Variants in MGAM2 observed in about 807,000 individuals in gnomAD.
MGAM2 encodes maltase-glucoamylase 2 (putative), also known as probable maltase-glucoamylase 2.
MGAM2 carries 98 observed loss-of-function variants against 96.1 expected under a neutral mutation model. The ratio of observed to expected loss-of-function variants is 1.02; its 90% CI spans 0.87 to 1.21. The LOEUF (loss-of-function observed/expected upper bound fraction) is 1.21, where lower values mean the gene tolerates loss of function less well. Among genes scored for constraint, MGAM2 ranks in the 50% most tolerant of loss-of-function variants. The pLI, the probability that MGAM2 is intolerant of heterozygous loss-of-function variation, is 0.00. For synonymous variants in MGAM2, 749 were observed against 414.8 expected (o/e 1.81, Z -9.79); for missense variants, 2,055 against 1,182.4 (o/e 1.74, Z -10.82).
rs879793427 is a variant in MGAM2 at position 142,222,198 on chromosome 7, A to G, written c.*139A>G. The G allele has an allele frequency of 1.0e-5, 4 of 395,276 alleles. No individual in the cohort carries two copies. The highest frequency in any genetic ancestry group is 1.8e-5 in the Non-Finnish European group (4 of 224,194). 24.5% of individuals were successfully genotyped at this position (395,276 alleles called of 1,614,324 possible). ...GATATTAGTACTCTAGCCATAAAAG[A>G]CACAGCTACTCCAAACACTCTCGTC... On this transcript the variant is annotated 3_prime_UTR_variant, in exon 48 of 48. Coordinates refer to ENST00000477922, the MANE Select transcript of MGAM2 (RefSeq NM_001293626.2).
chr7:142,152,859 C>T (rs1795620502), intron 15 of MGAM2, among the ~76,000 whole-genome samples: 1 of 152,062 alleles, frequency 6.6e-6, no homozygotes, highest in Non-Finnish European at 1.5e-5. Context: ...AATGCCTATT[C>T]AAAAGGTGTC....
intron 44 of MGAM2, 144 bp downstream of exon 44, chr7:142,198,883 T>G: frequency 1.8e-6 from 1 of 555,978 alleles, no homozygotes; most frequent in East Asian, 2.8e-5. Context: ...CTGTGAGTGC[T>G]TTCTGAGTGG....
Position 142,222,271 on chromosome 7 carries a change from A to G in MGAM2, c.*212A>G, listed in dbSNP as rs115900773. 292 of 379,262 alleles carry G rather than the reference A, an allele frequency of 7.7e-4. 2 individuals are homozygous for G. Among genetic ancestry groups the G allele is most frequent in the African/African-American group, 5.5e-3 (267 of 48,372 alleles). 23.5% of individuals were successfully genotyped at this position (379,262 alleles called of 1,614,324 possible). On this transcript the variant is annotated 3_prime_UTR_variant, in exon 48 of 48. Transcript: ENST00000477922. Reference sequence around the variant, plus strand: ...TTTACAAACCTTATAGGTTTCACCAAAGAAGCTGTGGGTACTTATTTTGCA... The same window carrying G: ...TTTACAAACCTTATAGGTTTCACCAGAGAAGCTGTGGGTACTTATTTTGCA...
At chr7:142,191,683 T>C (rs1796875814) in intron 37 of MGAM2, among the ~76,000 whole-genome samples, 1 of 152,066 alleles carries the variant, frequency 6.6e-6, no homozygotes, top group Non-Finnish European at 1.5e-5. Context: ...TTTTCAAGAT[T>C]GTTTTAGCTA....
intron 32 of MGAM2, among the ~76,000 whole-genome samples, chr7:142,178,183 T>C (rs1197860002): frequency 6.6e-6 from 1 of 152,240 alleles, no homozygotes; most frequent in African/African-American, 2.4e-5. Flanking sequence ...TCTGTTCATG[T>C]CCTCTGCCTA....
chr7:142,186,137 T>G lies in MGAM2; in HGVS notation c.4122+14T>G. Reference sequence around the variant, plus strand: ...GGATTGTGGATTGTAAGTGCACCCTTGGTTGTCTTTTTTTTTTTTTTGGAA... The same window carrying G: ...GGATTGTGGATTGTAAGTGCACCCTGGGTTGTCTTTTTTTTTTTTTTGGAA... On this transcript the variant is annotated intron_variant, in intron 35 of 47. Transcript: ENST00000477922. 1 of 668,142 alleles carries G rather than the reference T, an allele frequency of 1.5e-6. No individual in the cohort carries two copies. The highest frequency in any genetic ancestry group is 1.9e-5 in the African/African-American group (1 of 51,714). 41.4% of individuals were successfully genotyped at this position (668,142 alleles called of 1,614,324 possible). A position where few individuals can be genotyped will look rare whatever the true frequency, so the allele number is the denominator to read the frequency against.
In MGAM2 at chr7:142,171,399, T is replaced by TGGAACACATG; in HGVS notation, c.3313_3322dup (p.Gly1108GlufsTer9). On this transcript the variant is annotated frameshift_variant, in exon 28 of 48. Coordinates refer to ENST00000477922, the MANE Select transcript of MGAM2 (RefSeq NM_001293626.2). LOFTEE classifies it high-confidence loss of function. ...CACGACTTTCAGAAGAAACATGAACTGGAACACATGGGGAATGTTTGCTCA... is the reference window on the plus strand; with the variant it reads ...CACGACTTTCAGAAGAAACATGAACTGGAACACATGGGAACACATGGGGAATGTTTGCTCA... 1 of 703,204 alleles carries TGGAACACATG rather than the reference T, an allele frequency of 1.4e-6. No individual in the cohort carries two copies. The allele number at this position is 703,204 out of a possible 1,614,324, so 43.6% of individuals were successfully genotyped here.
At chr7:142,195,942 A>G (rs922611815) in intron 37 of MGAM2, among the ~76,000 whole-genome samples, 2 of 152,168 alleles carry the variant, frequency 1.3e-5, no homozygotes, top group East Asian at 1.9e-4. Flanking sequence ...TTTTTCAAAA[A>G]TGAAACCCAC....
chr7:142,159,266 T>C, intron 19 of MGAM2, 21 bp from the exon 20 acceptor site: 1 of 701,724 alleles, frequency 1.4e-6, no homozygotes, highest in Non-Finnish European at 2.6e-6. Context: ...CTAATGCTAC[T>C]CATTATTGTT....
chr7:142,220,159 C>T lies in MGAM2; in HGVS notation c.5648C>T (p.Pro1883Leu). Residue 1883 changes from proline (P) to leucine (L), a missense_variant, in exon 48 of 48, where the codon CCT (proline) becomes CTT (leucine). Coordinates refer to ENST00000477922, the MANE Select transcript of MGAM2 (RefSeq NM_001293626.2). ...TNTTVPDTTS[P>L]FPTSTTNAST... Reference sequence around the variant, plus strand: ...ACTACTGTTCCTGATACAACTTCTCCTTTCCCTACAAGTACTACTAATGCT... The same window carrying T: ...ACTACTGTTCCTGATACAACTTCTCTTTTCCCTACAAGTACTACTAATGCT... 1 of 702,930 alleles carries T rather than the reference C, an allele frequency of 1.4e-6. No individual in the cohort carries two copies. Among genetic ancestry groups the T allele is most frequent in the South Asian group, 1.5e-5 (1 of 67,606 alleles). 43.5% of individuals were successfully genotyped at this position (702,930 alleles called of 1,614,324 possible).
intron 31 of MGAM2, among the ~76,000 whole-genome samples, chr7:142,175,196 T>C (rs1177812046): frequency 6.6e-6 from 1 of 152,126 alleles, no homozygotes; most frequent in Non-Finnish European, 1.5e-5. Flanking sequence ...CTTATTATTG[T>C]GAGATATGTT....
intron 33 of MGAM2, among the ~76,000 whole-genome samples, chr7:142,184,452 A>G (rs1449918318): frequency 6.6e-6 from 1 of 152,204 alleles, no homozygotes; most frequent in Non-Finnish European, 1.5e-5. Context: ...ACTATCTGTG[A>G]ACTCTTAGGA....
intron 12 of MGAM2, among the ~76,000 whole-genome samples, chr7:142,142,457 A>G (rs1795257097): frequency 6.6e-6 from 1 of 151,734 alleles, no homozygotes; most frequent in Non-Finnish European, 1.5e-5. Flanking sequence ...TGACCAATAA[A>G]TGGCATGAAT....
chr7:142,137,453 C>T lies in MGAM2; in HGVS notation c.868C>T (p.Pro290Ser), dbSNP rs560004161. 99 of 700,348 alleles carry T rather than the reference C, an allele frequency of 1.4e-4. No homozygotes were observed. The highest frequency in any genetic ancestry group is 5.2e-4 in the Admixed American group (26 of 49,684). 43.4% of individuals were successfully genotyped at this position (700,348 alleles called of 1,614,324 possible). The change falls in exon 9 of 48, where the codon CCT (proline) becomes TCT (serine). Residue 290 changes from proline (P) to serine (S), a missense_variant. Physicochemically the swap from Pro to Ser is moderately conservative, Grantham distance 74. Transcript: ENST00000477922. ...NAMEVTLQPA[P>S]AITYRTIGGI... ...TTCAGAGGTTACCCTTCAGCCAGCT[C>T]CTGCGATCACTTATCGCACGATTGG...
At chr7:142,143,213 G>A (rs1585158573) in intron 12 of MGAM2, among the ~76,000 whole-genome samples, 1 of 152,128 alleles carries the variant, frequency 6.6e-6, no homozygotes, top group Non-Finnish European at 1.5e-5. Flanking sequence ...TTTGGCTATG[G>A]TTATATCTTT....
At chr7:142,122,536 C>G (rs1238548844) in intron 3 of MGAM2, among the ~76,000 whole-genome samples, 1 of 152,170 alleles carries the variant, frequency 6.6e-6, no homozygotes, top group Admixed American at 6.5e-5. Flanking sequence ...GACTTGTACC[C>G]CTTAACAGGT....
chr7:142,160,983 C>T, intron 21 of MGAM2, 142 bp from the exon 22 acceptor site: 1 of 539,860 alleles, frequency 1.9e-6, no homozygotes, highest in Non-Finnish European at 3.4e-6. Flanking sequence ...CACCCAGCTC[C>T]CATGTGTCCA....
intron 33 of MGAM2, among the ~76,000 whole-genome samples, chr7:142,184,691 A>G (rs1288578318): frequency 1.3e-5 from 2 of 152,160 alleles, no homozygotes; most frequent in Admixed American, 6.5e-5. Context: ...TATTGAGGTG[A>G]GGTGTATGGG....
chr7:142,201,607 T>G (rs1797236362), intron 45 of MGAM2, among the ~76,000 whole-genome samples: 1 of 152,242 alleles, frequency 6.6e-6, no homozygotes, highest in Admixed American at 6.5e-5. Flanking sequence ...TCGCCTTTTA[T>G]AGTCAGCCTG....
Sources: gnomAD v4.1 joint callset for allele counts (sites outside exome capture counted in the v4.1 genomes callset) on GRCh38, gnomAD v4.1.1 for gene constraint, MANE v1.5 for transcripts, NCBI Gene and HGNC (gene_info 2026-07-23, HGNC 2026-07-21) for gene names.